TENT4B: variants seen among roughly 807,000 people sequenced by gnomAD.
The protein encoded by TENT4B is terminal nucleotidyltransferase 4B.
A neutral mutation model predicts 75.0 loss-of-function variants in TENT4B; 10 were observed. The observed-to-expected ratio is 0.13, with a 90% CI of 0.08 to 0.23. The LOEUF is 0.23. TENT4B is among the 10% of genes least tolerant of loss of function. The pLI is 1.00. For missense variants in TENT4B, 579 were observed against 893.8 expected (o/e 0.65, Z 4.49); for synonymous variants, 350 against 357.7 (o/e 0.98, Z 0.24).
At chr16:50,216,561 C>T (rs950521164) in intron 4 of TENT4B, among the ~76,000 whole-genome samples, 1 of 152,264 alleles carries the variant, frequency 6.6e-6, no homozygotes, top group Admixed American at 6.5e-5. Context: ...ATCCACCCAC[C>T]TCTGCCTCCC....
Position 50,229,205 on chromosome 16 carries a change from TCAAACA to T in TENT4B, c.2020_2025del (p.Gln674_Thr675del), listed in dbSNP as rs2032188663. 1 of 1,613,030 alleles carries T rather than the reference TCAAACA, an allele frequency of 6.2e-7. No individual in the cohort carries two copies. The highest frequency in any genetic ancestry group is 1.3e-5 in the African/African-American group (1 of 74,824). ...CCAGCAAAGGCTTCCAAGGTACAAC[TCAAACA>T]AGCCATGGTTCCTTGATGACAAACA... On this transcript the variant is annotated inframe_deletion, in exon 12 of 12. Coordinates refer to ENST00000561678, the MANE Select transcript of TENT4B (RefSeq NM_001365324.3).
chr16:50,193,933 C>T (rs149411704), intron 1 of TENT4B, among the ~76,000 whole-genome samples: 6 of 152,266 alleles, frequency 3.9e-5, no homozygotes, highest in African/African-American at 1.4e-4. Flanking sequence ...GCTTAGCACC[C>T]CACAGAGCTG....
chr16:50,201,830 TAAAAAAA>T (rs57061694), intron 1 of TENT4B, among the ~76,000 whole-genome samples: 3 of 136,744 alleles, frequency 2.2e-5, no homozygotes, highest in Non-Finnish European at 4.6e-5. Context: ...ATACTCTATT[TAAAAAAA>T]AAAAAAAAAA....
Position 50,232,714 on chromosome 16 carries a change from G to C in TENT4B, c.*3386G>C, listed in dbSNP as rs970022213. ...ACTAGGAGGTGTAGTTATTAAGGTT[G>C]ATCTGTTAGAAATCACCATTATTAG... On this transcript the variant is annotated 3_prime_UTR_variant, in exon 12 of 12. Coordinates refer to ENST00000561678, the MANE Select transcript of TENT4B (RefSeq NM_001365324.3). 1 of 985,230 alleles carries C rather than the reference G, an allele frequency of 1.0e-6. No homozygotes were observed. Among genetic ancestry groups the C allele is most frequent in the African/African-American group, 1.7e-5 (1 of 57,200 alleles). 61.0% of individuals were successfully genotyped at this position (985,230 alleles called of 1,614,324 possible). A position where few individuals can be genotyped will look rare whatever the true frequency, so the allele number is the denominator to read the frequency against.
At chr16:50,195,333 T>G (rs1044258040) in intron 1 of TENT4B, among the ~76,000 whole-genome samples, 1 of 152,240 alleles carries the variant, frequency 6.6e-6, no homozygotes, top group Non-Finnish European at 1.5e-5. Flanking sequence ...TCTCATCATA[T>G]AGCTTTGAAA....
chr16:50,235,012 A>C lies in TENT4B; in HGVS notation c.*5684A>C, dbSNP rs1010438959. 3 of 985,852 alleles carry C rather than the reference A, an allele frequency of 3.0e-6. No homozygotes were observed. The South Asian group carries it at 1.4e-4, about 46-fold the overall frequency. 61.1% of individuals were successfully genotyped at this position (985,852 alleles called of 1,614,324 possible). A position where few individuals can be genotyped will look rare whatever the true frequency, so the allele number is the denominator to read the frequency against. On this transcript the variant is annotated 3_prime_UTR_variant, in exon 12 of 12. Coordinates refer to ENST00000561678, the MANE Select transcript of TENT4B (RefSeq NM_001365324.3). Reference sequence around the variant, plus strand: ...GAAAACTTTCCAATCTTGTCTAGTTACCACTGCAGAGACACTAAGGAATTT... The same window carrying C: ...GAAAACTTTCCAATCTTGTCTAGTTCCCACTGCAGAGACACTAAGGAATTT...
At chr16:50,158,611 G>C (rs749639681) in intron 1 of TENT4B, among the ~76,000 whole-genome samples, 2 of 152,156 alleles carry the variant, frequency 1.3e-5, no homozygotes, top group Non-Finnish European at 2.9e-5. Flanking sequence ...TTGAGCCCTG[G>C]GTCCAGAAAC....
intron 5 of TENT4B, among the ~76,000 whole-genome samples, chr16:50,219,982 CTTT>C (rs1457235645): frequency 1.3e-5 from 1 of 74,862 alleles, no homozygotes; most frequent in Non-Finnish European, 2.5e-5. Flanking sequence ...ACCTGGCTAA[CTTT>C]TTTTTTAATT....
chr16:50,195,601 T>C (rs2030179147), intron 1 of TENT4B, among the ~76,000 whole-genome samples: 1 of 152,226 alleles, frequency 6.6e-6, no homozygotes. Context: ...CTTTAAATTA[T>C]GTCTGGCTTA....
intron 1 of TENT4B, among the ~76,000 whole-genome samples, chr16:50,200,829 CTG>C (rs1191678548): frequency 1.3e-5 from 2 of 151,460 alleles, no homozygotes; most frequent in African/African-American, 4.8e-5. Flanking sequence ...AGTTCTCACT[CTG>C]TTGCCCAGGC....
At chr16:50,198,777 A>C (rs2030447214) in intron 1 of TENT4B, among the ~76,000 whole-genome samples, 1 of 152,212 alleles carries the variant, frequency 6.6e-6, no homozygotes, top group African/African-American at 2.4e-5. Context: ...ACTGTCAACT[A>C]CTTATAGATT....
At chr16:50,201,663 C>G (rs1007152295) in intron 1 of TENT4B, among the ~76,000 whole-genome samples, 5 of 151,494 alleles carry the variant, frequency 3.3e-5, no homozygotes, top group African/African-American at 9.7e-5. Flanking sequence ...GCGAACATGG[C>G]GAAACCCCAT....
chr16:50,173,215 A>T (rs575555262), intron 1 of TENT4B, among the ~76,000 whole-genome samples: 3 of 152,164 alleles, frequency 2.0e-5, no homozygotes, highest in Non-Finnish European at 4.4e-5. Flanking sequence ...AAGTGCTGGG[A>T]TTACAGGCGT....
At chr16:50,202,766 A>T (rs1312156567) in intron 1 of TENT4B, among the ~76,000 whole-genome samples, 1 of 152,178 alleles carries the variant, frequency 6.6e-6, no homozygotes, top group African/African-American at 2.4e-5. Context: ...TTCTCTCTTT[A>T]TAATCAATTG....
intron 1 of TENT4B, among the ~76,000 whole-genome samples, chr16:50,209,177 T>C (rs1225733389): frequency 6.6e-6 from 1 of 152,146 alleles, no homozygotes; most frequent in Non-Finnish European, 1.5e-5. Flanking sequence ...TCCCCCCCAT[T>C]GGTTAAAATG....
chr16:50,193,195 G>A (rs1350676496), intron 1 of TENT4B, among the ~76,000 whole-genome samples: 1 of 152,164 alleles, frequency 6.6e-6, no homozygotes, highest in African/African-American at 2.4e-5. Context: ...GATGTTAAAG[G>A]TGGTGGAACT....
In TENT4B at chr16:50,230,747, A is replaced by T; in HGVS notation, c.*1419A>T. The T allele has an allele frequency of 1.0e-6, 1 of 985,802 alleles. No homozygotes were observed. The highest frequency in any genetic ancestry group is 1.2e-6 in the Non-Finnish European group (1 of 829,886). 61.1% of individuals were successfully genotyped at this position (985,802 alleles called of 1,614,324 possible). A position where few individuals can be genotyped will look rare whatever the true frequency, so the allele number is the denominator to read the frequency against. ...CAGCTTTGAGTGCAATGAGATGTATAATTCTGTTATCATTACCTGTTGAGT... is the reference window on the plus strand; with the variant it reads ...CAGCTTTGAGTGCAATGAGATGTATTATTCTGTTATCATTACCTGTTGAGT... On this transcript the variant is annotated 3_prime_UTR_variant, in exon 12 of 12. Coordinates refer to ENST00000561678, the MANE Select transcript of TENT4B (RefSeq NM_001365324.3).
In TENT4B at chr16:50,234,036, G is replaced by A; in HGVS notation, c.*4708G>A. 1 of 985,456 alleles carries A rather than the reference G, an allele frequency of 1.0e-6. No individual in the cohort carries two copies. The allele number at this position is 985,456 out of a possible 1,614,324, so 61.0% of individuals were successfully genotyped here. ...TACCTTTCACTACACCAGCTTCTGT[G>A]TGGCCTGGTAACATGGAAGGTCTCT... On this transcript the variant is annotated 3_prime_UTR_variant, in exon 12 of 12. Transcript: ENST00000561678.
rs185999706 is a variant in TENT4B at position 50,180,568 on chromosome 16, G to T, written c.638+26309G>T. 7.2e-5 allele frequency among the ~76,000 whole-genome samples: 11 copies of T among 152,348 alleles called. No homozygotes were observed. The East Asian group carries it at 2.1e-3, about 29-fold the overall frequency. ...CTAAAAATACAAAAAAATTAGCCGG[G>T]TATGATGGCATGTGCCTGTGGTCCC... On this transcript the variant is annotated intron_variant, in intron 1 of 11. Coordinates refer to ENST00000561678, the MANE Select transcript of TENT4B (RefSeq NM_001365324.3).
Sources: gnomAD v4.1 joint callset for allele counts (sites outside exome capture counted in the v4.1 genomes callset) on GRCh38, gnomAD v4.1.1 for gene constraint, MANE v1.5 for transcripts, NCBI Gene and HGNC (gene_info 2026-07-23, HGNC 2026-07-21) for gene names.